IGSF11: variants seen among roughly 807,000 people sequenced by gnomAD.
IGSF11 encodes the protein CXADR like 1.
In IGSF11, 22 loss-of-function variants were observed where a neutral mutation model predicts 41.0. The ratio of observed to expected loss-of-function variants is 0.54; its 90% CI spans 0.38 to 0.77. The LOEUF (loss-of-function observed/expected upper bound fraction) is 0.77, where lower values mean the gene tolerates loss of function less well. Among genes scored for constraint, IGSF11 ranks in the 30% least tolerant of loss-of-function variants. The pLI, the probability that IGSF11 is intolerant of heterozygous loss-of-function variation, is 0.00. For missense variants in IGSF11, 444 were observed against 530.8 expected, an observed-to-expected ratio of 0.84 and a Z score of 1.61; for synonymous variants, 219 against 201.3, an observed-to-expected ratio of 1.09 and a Z score of -0.74.
rs182617018 is a variant in IGSF11, at chr3:119,055,016, T to A, written c.49+50128A>T. ...ACAATCAGGCAGCAGCATTGGCGGTTCACCAATATCCGTTGTTCTGCAGCC... is the reference window on the plus strand; with the variant it reads ...ACAATCAGGCAGCAGCATTGGCGGTACACCAATATCCGTTGTTCTGCAGCC... On this transcript the variant is annotated intron_variant, in intron 1 of 6. Transcript: ENST00000354673. Among the ~76,000 whole-genome samples, 798 of 152,250 alleles carry A rather than the reference T, an allele frequency of 5.2e-3. 14 individuals are homozygous for A. Among genetic ancestry groups the A allele is most frequent in the African/African-American group, 0.018 (767 of 41,540 alleles).
At chr3:118,942,046 A>T (rs1943735305) in intron 1 of IGSF11, among the ~76,000 whole-genome samples, 1 of 152,216 alleles carries the variant, frequency 6.6e-6, no homozygotes, top group Non-Finnish European at 1.5e-5. Context: ...AATAGTGTAC[A>T]TCACGGTTAT....
intron 1 of IGSF11, among the ~76,000 whole-genome samples, chr3:119,112,130 G>A (rs932706071): frequency 6.6e-6 from 1 of 152,216 alleles, no homozygotes; most frequent in African/African-American, 2.4e-5. Flanking sequence ...AAAGCTGTCA[G>A]ACAGGGACAT....
chr3:119,087,370 T>TTA (rs1238664788), intron 1 of IGSF11, among the ~76,000 whole-genome samples: 12 of 112,032 alleles, frequency 1.1e-4, no homozygotes, highest in Non-Finnish European at 1.6e-4. Flanking sequence ...AAAGAAAATG[T>TTA]TATACACACA....
At chr3:119,131,864 C>A (rs1419283261) in intron 1 of IGSF11, among the ~76,000 whole-genome samples, 1 of 152,154 alleles carries the variant, frequency 6.6e-6, no homozygotes, top group Non-Finnish European at 1.5e-5. Context: ...TGGCCAAAAC[C>A]CTACAAGCCA....
chr3:118,975,816 T>C (rs376369831), intron 1 of IGSF11, among the ~76,000 whole-genome samples: 6 of 152,214 alleles, frequency 3.9e-5, no homozygotes, highest in African/African-American at 1.4e-4. Flanking sequence ...GAGCTAAACA[T>C]TGGGTACATA....
chr3:118,921,668 G>A (rs559520034), intron 4 of IGSF11, among the ~76,000 whole-genome samples: 111 of 152,208 alleles, frequency 7.3e-4, no homozygotes, highest in African/African-American at 2.3e-3. Context: ...CCTGGATTCA[G>A]GGTTCAAAAC....
upstream of IGSF11, among the ~76,000 whole-genome samples, chr3:119,106,795 T>C (rs927630845): frequency 1.3e-5 from 2 of 151,938 alleles, no homozygotes; most frequent in African/African-American, 4.8e-5. Flanking sequence ...TGTCCATGTG[T>C]TCTCATTGTT....
chr3:119,037,846 T>C (rs775751600), upstream of IGSF11, among the ~76,000 whole-genome samples: 8 of 152,210 alleles, frequency 5.3e-5, no homozygotes, highest in Non-Finnish European at 7.3e-5. Context: ...GTATAAATTA[T>C]TTTTGAATTA....
Position 119,058,638 on chromosome 3 carries a change from G to T in IGSF11, c.49+46506C>A, listed in dbSNP as rs1342740484. Among the ~76,000 whole-genome samples the T allele has an allele frequency of 2.6e-5, 4 of 152,286 alleles. No individual in the cohort carries two copies. In the East Asian group the frequency reaches 7.7e-4, roughly 29 times the overall value. ...CCCATTGCTGGGTATGTACCCAAAG[G>T]ATTATAAATCATGCTGCTATAAAGA... On this transcript the variant is annotated intron_variant, in intron 1 of 6. Coordinates refer to the IGSF11 transcript ENST00000354673.
At chr3:118,973,011 G>A (rs1335518371) in intron 1 of IGSF11, among the ~76,000 whole-genome samples, 1 of 152,160 alleles carries the variant, frequency 6.6e-6, no homozygotes, top group Non-Finnish European at 1.5e-5. Context: ...CGGCAACATG[G>A]ATATCAATTT....
At chr3:119,109,555 A>G (rs1157868682), upstream of IGSF11, among the ~76,000 whole-genome samples, 3 of 151,734 alleles carry the variant, frequency 2.0e-5, no homozygotes, top group East Asian at 4.0e-4. Flanking sequence ...TGGATTCATT[A>G]ATTTTTTGAA....
At chr3:119,088,346 A>T (rs2076710314) in intron 1 of IGSF11, among the ~76,000 whole-genome samples, 1 of 152,192 alleles carries the variant, frequency 6.6e-6, no homozygotes, top group Non-Finnish European at 1.5e-5. Flanking sequence ...ATTGAAATTA[A>T]GGCAGACATT....
Position 118,902,898 on chromosome 3 carries a change from C to T in IGSF11, c.918G>A (p.Ser306=), listed in dbSNP as rs757669848. The T allele has an allele frequency of 1.8e-5, 29 of 1,613,936 alleles. No homozygotes were observed. Among genetic ancestry groups the T allele is most frequent in the South Asian group, 5.5e-5 (5 of 91,082 alleles). The change falls in exon 7 of 7, where the codon TCG becomes TCA. Residue 306 remains serine (S), a synonymous_variant. Transcript: ENST00000393775. ...TGGAAGAGGTTAGTGTGTTGTTGTC[C>T]GAGGAGGAAATCTCAGTGTGAAATG... is the stretch of plus-strand genomic sequence containing the variant. ...AKAFHTEISS[S]DNNTLTSSNA...
At chr3:118,903,974 G>A (rs1939258332) in intron 6 of IGSF11, among the ~76,000 whole-genome samples, 1 of 152,186 alleles carries the variant, frequency 6.6e-6, no homozygotes, top group Admixed American at 6.5e-5. Flanking sequence ...ATGCAGGACA[G>A]ACTGGAAGGC....
At chr3:119,009,501 T>TTC (rs1486799449) in intron 1 of IGSF11, among the ~76,000 whole-genome samples, 1 of 152,082 alleles carries the variant, frequency 6.6e-6, no homozygotes, top group Non-Finnish European at 1.5e-5. Context: ...TTCCCCTGCA[T>TTC]TCTCTCTCTC....
intron 4 of IGSF11, among the ~76,000 whole-genome samples, chr3:118,909,320 A>T (rs78353256): frequency 0.011 from 1,649 of 152,266 alleles, 32 homozygotes; most frequent in East Asian, 0.067. Context: ...ATAATAATGG[A>T]TGTATACTTG....
At chr3:119,116,633 C>T (rs1220772514) in intron 1 of IGSF11, among the ~76,000 whole-genome samples, 3 of 152,174 alleles carry the variant, frequency 2.0e-5, no homozygotes, top group African/African-American at 2.4e-5. Flanking sequence ...CAAAACTCAA[C>T]TGCTTTTGTA....
intron 1 of IGSF11, among the ~76,000 whole-genome samples, chr3:119,063,828 A>G (rs112832963): frequency 0.029 from 4,402 of 152,296 alleles, 180 homozygotes; most frequent in African/African-American, 0.1. Context: ...AGGAACCAAG[A>G]GAGAGAAGGA....
intron 1 of IGSF11, among the ~76,000 whole-genome samples, chr3:119,017,436 G>A (rs559991379): frequency 1.3e-5 from 2 of 152,116 alleles, no homozygotes; most frequent in Non-Finnish European, 2.9e-5. Context: ...AGAATATACG[G>A]TGTTATAATC....
Sources: gnomAD v4.1 joint callset for allele counts (sites outside exome capture counted in the v4.1 genomes callset) on GRCh38, gnomAD v4.1.1 for gene constraint, MANE v1.5 for transcripts, NCBI Gene and HGNC (gene_info 2026-07-23, HGNC 2026-07-21) for gene names.